CPEB3: variants seen among roughly 807,000 people sequenced by gnomAD.
CPEB3 encodes the protein cytoplasmic polyadenylation element-binding protein 3.
A neutral mutation model predicts 67.2 loss-of-function variants in CPEB3; 20 were observed. That is an observed-to-expected ratio of 0.30 (90% CI 0.21 to 0.43). The LOEUF is 0.43. Among genes scored for constraint, CPEB3 ranks in the 20% least tolerant of loss-of-function variants. The pLI, the probability that CPEB3 is intolerant of heterozygous loss-of-function variation, is 1.00. For missense variants in CPEB3, 746 were observed against 968.6 expected, an observed-to-expected ratio of 0.77 and a Z score of 3.05; for synonymous variants, 376 against 393.1, an observed-to-expected ratio of 0.96 and a Z score of 0.51.
intron 1 of CPEB3, among the ~76,000 whole-genome samples, chr10:92,265,203 A>G (rs951824614): frequency 6.6e-6 from 1 of 152,124 alleles, no homozygotes; most frequent in African/African-American, 2.4e-5. Flanking sequence ...AGAATTTGAA[A>G]TAAATTTCAG....
At chr10:92,096,033 A>ATTT in intron 7 of CPEB3, among the ~76,000 whole-genome samples, 1 of 102,572 alleles carries the variant, frequency 9.7e-6, no homozygotes, top group African/African-American at 3.8e-5. Flanking sequence ...CACCTGGCTG[A>ATTT]TTTTTTTTTT....
At chr10:92,222,342 C>A (rs888659476) in intron 2 of CPEB3, among the ~76,000 whole-genome samples, 3 of 151,942 alleles carry the variant, frequency 2.0e-5, no homozygotes, top group Admixed American at 2.0e-4. Flanking sequence ...CAGTTCTAAA[C>A]CTTTTTAATG....
At chr10:92,076,243 G>A (rs1014475480) in intron 9 of CPEB3, 2 of 152,122 alleles carry the variant, frequency 1.3e-5, no homozygotes, top group African/African-American at 4.8e-5. Context: ...TCAAGGTATT[G>A]GTTTAAAGCC....
intron 8 of CPEB3, among the ~76,000 whole-genome samples, chr10:92,088,753 A>G (rs1843486298): frequency 1.3e-5 from 2 of 152,214 alleles, no homozygotes; most frequent in African/African-American, 4.8e-5. Flanking sequence ...GGACATCTAA[A>G]ATCACACCTG....
At chr10:92,123,709 G>A (rs977306400) in intron 6 of CPEB3, among the ~76,000 whole-genome samples, 1 of 152,184 alleles carries the variant, frequency 6.6e-6, no homozygotes, top group Non-Finnish European at 1.5e-5. Context: ...CTGGCCTTGT[G>A]CATATACTGC....
intron 2 of CPEB3, among the ~76,000 whole-genome samples, chr10:92,205,709 C>A (rs374472989): frequency 5.3e-5 from 8 of 151,920 alleles, no homozygotes; most frequent in African/African-American, 1.9e-4. Context: ...ACTCCTGACT[C>A]AAGTGATCTT....
intron 2 of CPEB3, among the ~76,000 whole-genome samples, chr10:92,214,617 G>A (rs1483661146): frequency 6.6e-6 from 1 of 151,838 alleles, no homozygotes; most frequent in African/African-American, 2.4e-5. Flanking sequence ...CAAGTAGCTG[G>A]GATTACAGGC....
At chr10:92,219,092 A>G (rs1300898464) in intron 2 of CPEB3, among the ~76,000 whole-genome samples, 2 of 152,150 alleles carry the variant, frequency 1.3e-5, no homozygotes. Flanking sequence ...GAATATTATG[A>G]TCATGCCCCA....
At chr10:92,072,957 T>A (rs1427130706) in intron 9 of CPEB3, among the ~76,000 whole-genome samples, 1 of 150,586 alleles carries the variant, frequency 6.6e-6, no homozygotes, top group South Asian at 2.1e-4. Flanking sequence ...ACATGAGCCA[T>A]AAGGTAAGCC....
intron 2 of CPEB3, among the ~76,000 whole-genome samples, chr10:92,194,061 A>T (rs954595459): frequency 1.1e-4 from 16 of 151,338 alleles, no homozygotes; most frequent in Non-Finnish European, 2.2e-4. Flanking sequence ...CTCCCAAAGT[A>T]CAGGGATTAC....
intron 1 of CPEB3, among the ~76,000 whole-genome samples, chr10:92,249,480 C>T (rs759940461): frequency 1.3e-5 from 2 of 151,340 alleles, no homozygotes; most frequent in African/African-American, 4.9e-5. Context: ...TACTTTTTAT[C>T]ATTATTTTAC....
intron 1 of CPEB3, among the ~76,000 whole-genome samples, chr10:92,245,882 T>TA (rs1404748268): frequency 6.6e-6 from 1 of 150,550 alleles, no homozygotes; most frequent in African/African-American, 2.5e-5. Flanking sequence ...ACTAAAACTA[T>TA]AAAAAATTAG....
chr10:92,084,705 G>A (rs1158312781), intron 8 of CPEB3, among the ~76,000 whole-genome samples: 2 of 151,974 alleles, frequency 1.3e-5, no homozygotes, highest in Non-Finnish European at 2.9e-5. Flanking sequence ...TCAGCCTCCC[G>A]AGCAGCTGGG....
Position 92,047,330 on chromosome 10 carries a change from TA to T in CPEB3, c.*4881del, listed in dbSNP as rs960786242. 33 of 152,006 alleles carry T rather than the reference TA, an allele frequency of 2.2e-4. No individual in the cohort carries two copies. The highest frequency in any genetic ancestry group is 7.0e-4 in the African/African-American group (29 of 41,530). The allele number at this position is 152,006 out of a possible 1,614,324, so 9.4% of individuals were successfully genotyped here. A position where few individuals can be genotyped will look rare whatever the true frequency, so the allele number is the denominator to read the frequency against. On this transcript the variant is annotated 3_prime_UTR_variant, in exon 10 of 10. Coordinates refer to ENST00000265997, the MANE Select transcript of CPEB3 (RefSeq NM_014912.5). ...AGTGAAAAGCAACAATCCATTCAAATAAGCCAGTTTTAACAAAAAGATACAT... is the reference window on the plus strand; with the variant it reads ...AGTGAAAAGCAACAATCCATTCAAATAGCCAGTTTTAACAAAAAGATACAT...
At chr10:92,086,541 A>C (rs531915316) in intron 8 of CPEB3, among the ~76,000 whole-genome samples, 1 of 152,242 alleles carries the variant, frequency 6.6e-6, no homozygotes, top group African/African-American at 2.4e-5. Context: ...CAGTTACTCT[A>C]TCTGAACTCT....
chr10:92,181,315 G>C (rs1253201885), intron 3 of CPEB3, among the ~76,000 whole-genome samples: 1 of 138,090 alleles, frequency 7.2e-6, no homozygotes, highest in East Asian at 2.2e-4. Context: ...CAACTCCTTG[G>C]ATTAAACATT....
chr10:92,239,921 T>C lies in CPEB3; in HGVS notation c.430A>G (p.Asn144Asp). Reference sequence around the variant, plus strand: ...GAGAAAGTGCCTCCGAAGACTGGGTTGACATGGTGCGGGAAGTTCTGGAAG... The same window carrying C: ...GAGAAAGTGCCTCCGAAGACTGGGTCGACATGGTGCGGGAAGTTCTGGAAG... ...MLFQNFPHHV[N>D]PVFGGTFSPQ... The change falls in exon 2 of 10, where the codon AAC becomes GAC. Residue 144 changes from asparagine to aspartate, a missense_variant. Physicochemically the swap from Asn to Asp is conservative, Grantham distance 23. This residue lies in a region of CPEB3 where 643 missense variants were observed against 717.5 expected (regional missense o/e 0.90). Transcript: ENST00000265997. The surrounding 1 kb of genome is among the most constrained non-coding windows in gnomAD (Gnocchi z 6.0). 2.5e-6 allele frequency: 4 copies of C among 1,613,104 alleles called. No homozygotes were observed. The highest frequency in any genetic ancestry group is 3.4e-6 in the Non-Finnish European group (4 of 1,179,628).
chr10:92,052,419 C>T lies in CPEB3; in HGVS notation c.1890G>A (p.Val630=), dbSNP rs769541702. ...IDKRVEVKPY[V]LDDQMCDECQ... is the part of the protein sequence containing the mutation. ...ACTCATCACACATCTGATCATCCAG[C>T]ACATATGGCTTTACTTCAACCTGGA... Residue 630 remains valine, a synonymous_variant, in exon 10 of 10, where the codon GTG becomes GTA. Coordinates refer to ENST00000265997, the MANE Select transcript of CPEB3 (RefSeq NM_014912.5). 6.2e-7 allele frequency: 1 copy of T among 1,611,516 alleles called. No homozygotes were observed. Among genetic ancestry groups the T allele is most frequent in the Admixed American group, 1.7e-5 (1 of 59,990 alleles).
chr10:92,166,112 CTTT>C (rs869279355), intron 4 of CPEB3, among the ~76,000 whole-genome samples: 2 of 143,092 alleles, frequency 1.4e-5, no homozygotes, highest in Non-Finnish European at 1.5e-5. Context: ...ATTTCTTTTT[CTTT>C]TTTTTTTTTT....
Sources: allele counts gnomAD v4.1 joint callset (sites outside exome capture counted in the v4.1 genomes callset), GRCh38; gene constraint gnomAD v4.1.1; regional missense constraint gnomAD v4.1.1; non-coding constraint Gnocchi (gnomAD v3.1); transcripts MANE v1.5; gene names NCBI Gene and HGNC (gene_info 2026-07-23, HGNC 2026-07-21).